ACOX3: variants seen among roughly 807,000 people sequenced by gnomAD.
The protein encoded by ACOX3 is peroxisomal acyl-coenzyme A oxidase 3.
A neutral mutation model predicts 81.5 loss-of-function variants in ACOX3; 73 were observed. The ratio of observed to expected loss-of-function variants is 0.90; its 90% CI spans 0.74 to 1.09. The LOEUF is 1.09. Among genes scored for constraint, ACOX3 ranks in the 50% least tolerant of loss-of-function variants. The pLI, the probability that ACOX3 is intolerant of heterozygous loss-of-function variation, is 0.00. For missense variants in ACOX3, 947 were observed against 928.0 expected, an observed-to-expected ratio of 1.02 and a Z score of -0.27; for synonymous variants, 387 against 375.1, an observed-to-expected ratio of 1.03 and a Z score of -0.37.
chr4:8,399,496 G>T lies in ACOX3; in HGVS notation c.873+60C>A. 1 of 1,419,160 alleles carries T rather than the reference G, an allele frequency of 7.0e-7. No homozygotes were observed. The allele number at this position is 1,419,160 out of a possible 1,614,324, so 87.9% of individuals were successfully genotyped here. On this transcript the variant is annotated intron_variant, in intron 8 of 17. Transcript: ENST00000356406. The surrounding 1 kb of genome is among the most constrained non-coding windows in gnomAD (Gnocchi z 4.9). ...AGGTGCAGGGAGGAGCACAGAGCCA[G>T]GCCCTGCAGAGGAAGGCACCTGGGA...
chr4:8,416,429 G>C lies in ACOX3; in HGVS notation c.93C>G (p.Ser31Arg), dbSNP rs142520686. Residue 31 changes from serine to arginine, a missense_variant, in exon 2 of 18, where the codon AGC (serine) becomes AGG (arginine). Ser to Arg is a moderately radical substitution (Grantham distance 110). Transcript: ENST00000356406. The surrounding 1 kb of genome is among the most constrained non-coding windows in gnomAD (Gnocchi z 4.2). The part of the protein sequence containing the change: ...LDAYRARASF[S>R]WKELALFTEG... ...CCGTGAACAGCGCCAGCTCCTTCCA[G>C]CTGAAGGACGCTCTTGCTCGGTAGG... 1 of 1,614,232 alleles carries C rather than the reference G, an allele frequency of 6.2e-7. No homozygotes were observed. Among genetic ancestry groups the C allele is most frequent in the East Asian group, 2.2e-5 (1 of 44,876 alleles).
At chr4:8,358,878 C>A in the ACOX3 span, among the ~76,000 whole-genome samples, 2 of 152,168 alleles carry the variant, frequency 1.3e-5, no homozygotes, top group Non-Finnish European at 2.9e-5. Flanking sequence ...CTATGGGTAG[C>A]CCTTTTTTTA....
rs1719387897 is a variant in ACOX3 at position 8,394,071 on chromosome 4, C to T, written c.1179+549G>A. On this transcript the variant is annotated intron_variant, in intron 10 of 17. Transcript: ENST00000356406. The surrounding 1 kb of genome is among the most constrained non-coding windows in gnomAD (Gnocchi z 5.9). ...GTGGCGTTTCTCCTCTGCTTTCAAA[C>T]ACGGTTATTTCTTTTGATTCACATT... Among the ~76,000 whole-genome samples, 1 of 152,242 alleles carries T rather than the reference C, an allele frequency of 6.6e-6. No homozygotes were observed. The highest frequency in any genetic ancestry group is 1.5e-5 in the Non-Finnish European group (1 of 68,046).
rs1359025131 is a variant in ACOX3 at position 8,382,154 on chromosome 4, A to T, written c.1538-547T>A. Among the ~76,000 whole-genome samples, 1 of 152,000 alleles carries T rather than the reference A, an allele frequency of 6.6e-6. No individual in the cohort carries two copies. The highest frequency in any genetic ancestry group is 1.5e-5 in the Non-Finnish European group (1 of 67,990). On this transcript the variant is annotated intron_variant, in intron 13 of 17. Coordinates refer to ENST00000356406, the MANE Select transcript of ACOX3 (RefSeq NM_003501.3). The surrounding 1 kb of genome is among the most constrained non-coding windows in gnomAD (Gnocchi z 4.1). ...GGGGGAGGGGGGAACCTAAGGCCTC[A>T]CCCCCTGCGTGGCCCCTTCCACAAA...
rs1255381530 is a variant in ACOX3, at chr4:8,381,296, C to A, written c.1653+196G>T. Among the ~76,000 whole-genome samples, 1 of 152,176 alleles carries A rather than the reference C, an allele frequency of 6.6e-6. No homozygotes were observed. The highest frequency in any genetic ancestry group is 2.4e-5 in the African/African-American group (1 of 41,428). ...TGTAACATCCATGACCTCCCCAGCCCAGCAAGACAGGTGCTGCCATCCCTG... is the reference window on the plus strand; with the variant it reads ...TGTAACATCCATGACCTCCCCAGCCAAGCAAGACAGGTGCTGCCATCCCTG... On this transcript the variant is annotated intron_variant, in intron 14 of 17. Coordinates refer to ENST00000356406, the MANE Select transcript of ACOX3 (RefSeq NM_003501.3). The surrounding 1 kb of genome is among the most constrained non-coding windows in gnomAD (Gnocchi z 4.3).
chr4:8,433,301 T>C (rs1295435214), intron 1 of ACOX3, among the ~76,000 whole-genome samples: 2 of 152,232 alleles, frequency 1.3e-5, no homozygotes, highest in Non-Finnish European at 2.9e-5. Context: ...TAATCCAATA[T>C]GAATGTTGCC....
chr4:8,373,810 A>G (rs1716574397), intron 15 of ACOX3, 182 bp from the exon 16 acceptor site: 1 of 618,240 alleles, frequency 1.6e-6, no homozygotes. Context: ...TCAGGGGCCG[A>G]GTTCTGAGAC....
chr4:8,404,534 A>G (rs777219149), intron 7 of ACOX3, among the ~76,000 whole-genome samples: 5 of 151,026 alleles, frequency 3.3e-5, no homozygotes, highest in Admixed American at 6.6e-5. Context: ...ATCAATCAAG[A>G]TTTTCCTCTT....
chr4:8,373,716 C>A, intron 15 of ACOX3, 88 bp from the exon 16 acceptor site: 1 of 1,316,552 alleles, frequency 7.6e-7, no homozygotes, highest in Non-Finnish European at 1.1e-6. Context: ...CTTTCCAAAT[C>A]GGCCATATAG....
At position 8,389,159 on chromosome 4, in the gene ACOX3, A is replaced by G; in HGVS notation, c.1537+14T>C. On this transcript the variant is annotated intron_variant, in intron 13 of 17. Coordinates refer to ENST00000356406, the MANE Select transcript of ACOX3 (RefSeq NM_003501.3). The surrounding 1 kb of genome is among the most constrained non-coding windows in gnomAD (Gnocchi z 5.3). ...AATCAGGAGGCCAGGGGAGCCCTCC[A>G]CCTGTGTGTTTACCTGCAGAGTCCA... 1.2e-6 allele frequency: 2 copies of G among 1,604,980 alleles called. No individual in the cohort carries two copies. Among genetic ancestry groups the G allele is most frequent in the Non-Finnish European group, 1.7e-6 (2 of 1,172,384 alleles).
At position 8,416,081 on chromosome 4, in the gene ACOX3, C is replaced by T. The variant is rs1722300378; in HGVS notation, c.145-82G>A. ...TGCCCTTATATAGTTGACCTCCAGG[C>T]CACAGGCTTCATGGGACACAGTCTG... On this transcript the variant is annotated intron_variant, in intron 2 of 17. Coordinates refer to ENST00000356406, the MANE Select transcript of ACOX3 (RefSeq NM_003501.3). The surrounding 1 kb of genome is among the most constrained non-coding windows in gnomAD (Gnocchi z 4.2). The T allele has an allele frequency of 1.5e-6, 2 of 1,375,074 alleles. No individual in the cohort carries two copies. Among genetic ancestry groups the T allele is most frequent in the Non-Finnish European group, 2.0e-6 (2 of 980,246 alleles). 85.2% of individuals were successfully genotyped at this position (1,375,074 alleles called of 1,614,324 possible). A position where few individuals can be genotyped will look rare whatever the true frequency, so the allele number is the denominator to read the frequency against.
intron 1 of ACOX3, among the ~76,000 whole-genome samples, chr4:8,421,143 T>A (rs1482309016): frequency 6.6e-6 from 1 of 152,334 alleles, no homozygotes; most frequent in East Asian, 1.9e-4. Flanking sequence ...TGGGCTCGTA[T>A]GGGGATTCTC....
In ACOX3 at chr4:8,394,234, T is replaced by C. The variant is rs1334155710; in HGVS notation, c.1179+386A>G. ...ACGCTCGTTTCTGGCACAAATCCTC[T>C]GACTGTCAACTCAAATCCAGTCAGT... On this transcript the variant is annotated intron_variant, in intron 10 of 17. Transcript: ENST00000356406. This position sits in a 1 kb window ranked among gnomAD's most constrained non-coding sequence, Gnocchi z 5.9. Among the ~76,000 whole-genome samples, 2 of 152,198 alleles carry C rather than the reference T, an allele frequency of 1.3e-5. No homozygotes were observed. The highest frequency in any genetic ancestry group is 6.5e-5 in the Admixed American group (1 of 15,284).
intron 5 of ACOX3, among the ~76,000 whole-genome samples, chr4:8,411,974 CTTAGGGATCAAATGCCAAAAAGAAGG>C (rs1721769813): frequency 6.6e-6 from 1 of 152,224 alleles, no homozygotes; most frequent in African/African-American, 2.4e-5. Context: ...CTGACCTCCA[CTTAGGGATCAAATGCCAAAAAGAAGG>C]AGGTGGAAAT....
rs569956710 is a variant in ACOX3 at position 8,409,731 on chromosome 4, G to A, written c.687+481C>T. ...TAGGGCTGTAGGATACACCGTGGGC[G>A]GGGCTGTGGGATACACTTTGGGCAG... is the stretch of plus-strand genomic sequence containing the variant. On this transcript the variant is annotated intron_variant, in intron 6 of 17. Transcript: ENST00000356406. Among the ~76,000 whole-genome samples the A allele has an allele frequency of 6.1e-5, 9 of 147,380 alleles. No individual in the cohort carries two copies. The East Asian group carries it at 1.2e-3, about 20-fold the overall frequency.
chr4:8,357,204 G>A, the ACOX3 span: 193 of 456,620 alleles, frequency 4.2e-4, 2 homozygotes, highest in Non-Finnish European at 9.3e-5. Flanking sequence ...TGAGGGAAAG[G>A]AGAACAGTGC....
chr4:8,406,013 G>A lies in ACOX3; in HGVS notation c.718C>T (p.Pro240Ser), dbSNP rs1344898047. 6 of 1,614,140 alleles carry A rather than the reference G, an allele frequency of 3.7e-6. No individual in the cohort carries two copies. Among genetic ancestry groups the A allele is most frequent in the South Asian group, 1.1e-5 (1 of 91,086 alleles). The part of the protein sequence containing the change: ...IRDPKTLLPM[P>S]GVMVGDIGKK... ...CCTATGTCGCCAACCATCACTCCAGGCATGGGAAGAAGGGTCTTCGGGTCC... is the reference window on the plus strand; with the variant it reads ...CCTATGTCGCCAACCATCACTCCAGACATGGGAAGAAGGGTCTTCGGGTCC... The change falls in exon 7 of 18, where the codon CCT (proline) becomes TCT (serine). Residue 240 changes from proline (P) to serine (S), a missense_variant. By Grantham distance (74) the Pro-to-Ser change is moderately conservative (BLOSUM62 -1). Coordinates refer to ENST00000356406, the MANE Select transcript of ACOX3 (RefSeq NM_003501.3). This position sits in a 1 kb window ranked among gnomAD's most constrained non-coding sequence, Gnocchi z 5.6.
At chr4:8,357,067 T>G in the ACOX3 span, 2 of 454,528 alleles carry the variant, frequency 4.4e-6, no homozygotes, top group Admixed American at 4.7e-5. Flanking sequence ...TGGAGAACGG[T>G]GCACGCTTAC....
rs1340172040 is a variant in ACOX3 at position 8,407,763 on chromosome 4, G to A, written c.688-1720C>T. 6.6e-6 allele frequency among the ~76,000 whole-genome samples: 1 copy of A among 152,264 alleles called. No homozygotes were observed. The highest frequency in any genetic ancestry group is 2.4e-5 in the African/African-American group (1 of 41,474). On this transcript the variant is annotated intron_variant, in intron 6 of 17. Transcript: ENST00000356406. This position sits in a 1 kb window ranked among gnomAD's most constrained non-coding sequence, Gnocchi z 4.6. ...CACCGCTCCCCAAGATACAGGTCCA[G>A]CCAGCTAATGGCTGCGCACTGTGGG...
Sources: gnomAD v4.1 joint callset for allele counts (sites outside exome capture counted in the v4.1 genomes callset) on GRCh38, gnomAD v4.1.1 for gene constraint, Gnocchi (gnomAD v3.1) non-coding constraint, MANE v1.5 for transcripts, NCBI Gene and HGNC (gene_info 2026-07-23, HGNC 2026-07-21) for gene names.